The following SPSB1 variants were observed in gnomAD, a reference collection of about 807,000 sequenced individuals.
SPSB1 encodes SPRY domain-containing SOCS box protein 1.
SPSB1 carries 8 observed loss-of-function variants against 21.2 expected under a neutral mutation model. That is an observed-to-expected ratio of 0.38 (90% confidence interval 0.22 to 0.68). SPSB1 has a LOEUF of 0.68. SPSB1 is among the 30% of genes least tolerant of loss of function. The pLI is 0.53. For synonymous variants in SPSB1, 169 were observed against 161.7 expected (o/e 1.05, Z -0.34); for missense variants, 242 against 377.8 (o/e 0.64, Z 2.98).
intron 1 of SPSB1, among the ~76,000 whole-genome samples, chr1:9,314,291 C>T (rs917127534): frequency 6.6e-5 from 10 of 152,068 alleles, no homozygotes; most frequent in Admixed American, 3.3e-4. Flanking sequence ...TCTGGCCATG[C>T]CCCACTGAAT....
chr1:9,333,421 C>G (rs1358434753), intron 1 of SPSB1, among the ~76,000 whole-genome samples: 1 of 149,948 alleles, frequency 6.7e-6, no homozygotes, highest in African/African-American at 2.5e-5. Flanking sequence ...ACCTCCGCCT[C>G]CCAGGTTCAG....
intron 1 of SPSB1, among the ~76,000 whole-genome samples, chr1:9,318,025 G>A (rs891082622): frequency 6.6e-6 from 1 of 152,224 alleles, no homozygotes; most frequent in Non-Finnish European, 1.5e-5. Flanking sequence ...GTGCCAGGTG[G>A]GGAGAGGAAG....
intron 1 of SPSB1, among the ~76,000 whole-genome samples, chr1:9,315,317 AC>A (rs1639595603): frequency 6.6e-6 from 1 of 152,184 alleles, no homozygotes; most frequent in Non-Finnish European, 1.5e-5. Flanking sequence ...AGTGTTGCCC[AC>A]CCACGTTAGC....
chr1:9,296,748 C>T lies in SPSB1; in HGVS notation c.-150+3677C>T, dbSNP rs146925082. ...CAAAGAGGTTGACTGTTACTCTATG[C>T]GGGGCAAGAGTCGGGAGATGTACGT... is the stretch of plus-strand genomic sequence containing the variant. On this transcript the variant is annotated intron_variant, in intron 1 of 2. Coordinates refer to ENST00000328089, the MANE Select transcript of SPSB1 (RefSeq NM_025106.4). Among the ~76,000 whole-genome samples, 19 of 152,304 alleles carry T rather than the reference C, an allele frequency of 1.2e-4. No homozygotes were observed. The East Asian group carries it at 2.9e-3, about 23-fold the overall frequency.
At chr1:9,331,105 G>A (rs374504954) in intron 1 of SPSB1, among the ~76,000 whole-genome samples, 24 of 151,978 alleles carry the variant, frequency 1.6e-4, no homozygotes, top group African/African-American at 3.9e-4. Flanking sequence ...TGCTCTCCCC[G>A]CTGAATGCTT....
intron 1 of SPSB1, among the ~76,000 whole-genome samples, chr1:9,309,297 AGAGAGTGT>A (rs772005360): frequency 2.1e-4 from 23 of 112,024 alleles, no homozygotes; most frequent in Non-Finnish European, 2.2e-4. Context: ...AGAGAGAGAG[AGAGAGTGT>A]GTGTGTGTGT....
Position 9,356,463 on chromosome 1 carries a change from T to C in SPSB1, c.572T>C (p.Ile191Thr). 1.9e-6 allele frequency: 3 copies of C among 1,614,064 alleles called. No individual in the cohort carries two copies. The highest frequency in any genetic ancestry group is 2.5e-6 in the Non-Finnish European group (3 of 1,180,034). ...ATGGACGACGGGACTCTGAGCTTCA[T>C]TGTGGATGGACAGTACATGGGAGTG... ...LDMDDGTLSF[I>T]VDGQYMGVAF... The change falls in exon 2 of 3, where the codon ATT becomes ACT. Residue 191 changes from isoleucine to threonine, a missense_variant. By Grantham distance (89) the Ile-to-Thr change is moderately conservative (BLOSUM62 -1). Transcript: ENST00000328089. The surrounding 1 kb of genome is among the most constrained non-coding windows in gnomAD (Gnocchi z 7.4).
chr1:9,340,200 C>T (rs534512878), intron 1 of SPSB1, among the ~76,000 whole-genome samples: 1 of 152,148 alleles, frequency 6.6e-6, no homozygotes, highest in Non-Finnish European at 1.5e-5. Context: ...GACAGACTCT[C>T]CTTGGGCAGG....
At chr1:9,296,761 G>T (rs1363584670) in intron 1 of SPSB1, among the ~76,000 whole-genome samples, 1 of 152,190 alleles carries the variant, frequency 6.6e-6, no homozygotes, top group Non-Finnish European at 1.5e-5. Flanking sequence ...GGCAAGAGTC[G>T]GGAGATGTAC....
intron 1 of SPSB1, among the ~76,000 whole-genome samples, chr1:9,300,999 C>A (rs1639318992): frequency 6.6e-6 from 1 of 152,230 alleles, no homozygotes; most frequent in African/African-American, 2.4e-5. Flanking sequence ...CTTGCTGGGA[C>A]ACCTCTGAAG....
intron 1 of SPSB1, among the ~76,000 whole-genome samples, chr1:9,350,107 C>T (rs1314916214): frequency 6.6e-6 from 1 of 152,116 alleles, no homozygotes; most frequent in African/African-American, 2.4e-5. Flanking sequence ...TATCTACACA[C>T]ACACACACAC....
At chr1:9,352,441 TAA>T (rs1346414158) in intron 1 of SPSB1, among the ~76,000 whole-genome samples, 1 of 152,118 alleles carries the variant, frequency 6.6e-6, no homozygotes, top group African/African-American at 2.4e-5. Flanking sequence ...TCCTTATAAA[TAA>T]AGTTTTCTGG....
At chr1:9,364,122 G>A (rs1227626745) in intron 2 of SPSB1, among the ~76,000 whole-genome samples, 1 of 152,244 alleles carries the variant, frequency 6.6e-6, no homozygotes, top group Non-Finnish European at 1.5e-5. Flanking sequence ...AGTGGCTCTT[G>A]GAGCTTTCTC....
chr1:9,307,327 A>G (rs538596078), intron 1 of SPSB1, among the ~76,000 whole-genome samples: 46 of 152,290 alleles, frequency 3.0e-4, no homozygotes, highest in African/African-American at 1.1e-3. Context: ...TCGTGCAACT[A>G]TCCCCTCTGT....
chr1:9,300,086 C>G (rs923575485), intron 1 of SPSB1, among the ~76,000 whole-genome samples: 1 of 151,922 alleles, frequency 6.6e-6, no homozygotes, highest in Admixed American at 6.6e-5. Flanking sequence ...ATTTACATGT[C>G]AAGCGATGGG....
chr1:9,361,156 C>CCTTTTTTTTTTTTTTTTTTTTTTT lies in SPSB1; in HGVS notation c.694+4571_694+4572insCTTTTTTTTTTTTTTTTTTTTTTT, dbSNP rs1553128958. Among the ~76,000 whole-genome samples the CCTTTTTTTTTTTTTTTTTTTTTTT allele has an allele frequency of 1.4e-4, 14 of 102,578 alleles. 2 individuals carry two copies. Among genetic ancestry groups the CCTTTTTTTTTTTTTTTTTTTTTTT allele is most frequent in the East Asian group, 5.8e-4 (2 of 3,420 alleles). 67.3% of individuals were successfully genotyped at this position (102,578 alleles called of 152,430 possible). ...CAGGCATGGCTGGATCTGTCATTTT[C>CCTTTTTTTTTTTTTTTTTTTTTTT]TTTTTTTTTTTTTTTTTTTTTTTTT... On this transcript the variant is annotated intron_variant, in intron 2 of 2. Transcript: ENST00000328089.
At chr1:9,344,004 G>A (rs1349363998) in intron 1 of SPSB1, among the ~76,000 whole-genome samples, 1 of 152,166 alleles carries the variant, frequency 6.6e-6, no homozygotes, top group Non-Finnish European at 1.5e-5. Context: ...TAGCCAGGAT[G>A]GTCTCGATCT....
intron 1 of SPSB1, among the ~76,000 whole-genome samples, chr1:9,325,897 A>G (rs557855520): frequency 6.6e-6 from 1 of 152,068 alleles, no homozygotes; most frequent in Non-Finnish European, 1.5e-5. Flanking sequence ...AGGACTTGGG[A>G]AGTACAGAGA....
intron 1 of SPSB1, among the ~76,000 whole-genome samples, chr1:9,344,425 C>G (rs1393912000): frequency 6.6e-6 from 1 of 152,198 alleles, no homozygotes; most frequent in Non-Finnish European, 1.5e-5. Flanking sequence ...GCCTGTGGGT[C>G]TCGTGACGGG....
Sources: gnomAD v4.1 joint callset for allele counts (sites outside exome capture counted in the v4.1 genomes callset) on GRCh38, gnomAD v4.1.1 for gene constraint, Gnocchi (gnomAD v3.1) non-coding constraint, MANE v1.5 for transcripts, NCBI Gene and HGNC (gene_info 2026-07-23, HGNC 2026-07-21) for gene names.